PIBF1: variants seen among roughly 807,000 people sequenced by gnomAD.
The protein encoded by PIBF1 is progesterone immunomodulatory binding factor 1.
In PIBF1, 90 loss-of-function variants were observed where a neutral mutation model predicts 112.5. The observed-to-expected ratio is 0.80, with a 90% CI of 0.67 to 0.95. PIBF1 has a LOEUF of 0.95. PIBF1 is among the 40% of genes least tolerant of loss of function. The pLI is 0.00. For missense variants in PIBF1, 915 were observed against 852.3 expected (o/e 1.07, Z -0.92); for synonymous variants, 301 against 288.6 (o/e 1.04, Z -0.44).
intron 11 of PIBF1, among the ~76,000 whole-genome samples, chr13:72,900,818 T>C (rs1405225930): frequency 1.2e-4 from 18 of 151,438 alleles, no homozygotes; most frequent in Non-Finnish European, 2.4e-4. Flanking sequence ...AGGTTGGGAG[T>C]TCAAGACCAG....
intron 4 of PIBF1, among the ~76,000 whole-genome samples, chr13:72,796,208 A>G (rs1431599461): frequency 6.6e-6 from 1 of 152,182 alleles, no homozygotes; most frequent in East Asian, 1.9e-4. Context: ...GCCACTGGCA[A>G]ACTCCACTGA....
At chr13:72,948,212 C>T (rs1394113092) in intron 14 of PIBF1, among the ~76,000 whole-genome samples, 1 of 152,030 alleles carries the variant, frequency 6.6e-6, no homozygotes, top group Non-Finnish European at 1.5e-5. Context: ...TATCCCAAAA[C>T]TGAAAGTATA....
chr13:72,863,421 G>C (rs2038781323), intron 10 of PIBF1, among the ~76,000 whole-genome samples: 1 of 152,114 alleles, frequency 6.6e-6, no homozygotes, highest in Non-Finnish European at 1.5e-5. Context: ...GGAGGCCAAG[G>C]TGGGCGGATC....
At chr13:72,878,819 T>A (rs560475495) in intron 10 of PIBF1, among the ~76,000 whole-genome samples, 3 of 152,208 alleles carry the variant, frequency 2.0e-5, no homozygotes, top group Non-Finnish European at 2.9e-5. Flanking sequence ...TGTTAAGGAT[T>A]ATTATATCTA....
intron 4 of PIBF1, among the ~76,000 whole-genome samples, chr13:72,796,458 T>C (rs2035204231): frequency 1.3e-5 from 2 of 152,124 alleles, no homozygotes; most frequent in South Asian, 4.1e-4. Context: ...GCGTTTCTAT[T>C]GGGGATAATT....
In PIBF1 at chr13:72,820,824, C is replaced by G. The variant is rs541923248; in HGVS notation, c.673-1025C>G. ...GATTGGTTGCAAGATTTGATGAGTT[C>G]AAAGAAGGAAAATAAGTAGGAATTT... is the stretch of plus-strand genomic sequence containing the variant. On this transcript the variant is annotated intron_variant, in intron 5 of 17. Coordinates refer to ENST00000326291, the MANE Select transcript of PIBF1 (RefSeq NM_006346.4). Among the ~76,000 whole-genome samples the G allele has an allele frequency of 2.6e-5, 4 of 152,218 alleles. No homozygotes were observed. In the East Asian group the frequency reaches 7.7e-4, roughly 29 times the overall value.
intron 11 of PIBF1, among the ~76,000 whole-genome samples, chr13:72,898,070 G>A (rs967441026): frequency 6.6e-6 from 1 of 152,162 alleles, no homozygotes; most frequent in South Asian, 2.1e-4. Context: ...GCCATAAAAT[G>A]AGCCTGAATA....
chr13:72,830,040 A>T (rs1016717827), intron 8 of PIBF1, among the ~76,000 whole-genome samples: 10 of 152,194 alleles, frequency 6.6e-5, no homozygotes, highest in African/African-American at 2.4e-4. Flanking sequence ...TCTTAGTAGC[A>T]GTTGTGAATG....
At chr13:72,997,521 A>G (rs7336587) in intron 16 of PIBF1, among the ~76,000 whole-genome samples, 151,148 of 152,294 alleles carry the variant, frequency 0.99, 75,018 homozygotes, top group Middle Eastern at 1. Flanking sequence ...ACGTCTCGCA[A>G]CCCTAAAATC....
intron 10 of PIBF1, among the ~76,000 whole-genome samples, chr13:72,887,508 C>T (rs893888532): frequency 2.0e-5 from 3 of 151,786 alleles, no homozygotes; most frequent in Non-Finnish European, 4.4e-5. Flanking sequence ...AGACCTATAC[C>T]ATATACTAGC....
intron 5 of PIBF1, among the ~76,000 whole-genome samples, chr13:72,811,468 C>T (rs1418422477): frequency 6.6e-6 from 1 of 151,686 alleles, no homozygotes; most frequent in East Asian, 1.9e-4. Flanking sequence ...TGGTGGTAGG[C>T]ACCTGTAATC....
At chr13:72,934,499 A>G (rs1023800438) in intron 14 of PIBF1, among the ~76,000 whole-genome samples, 2 of 152,078 alleles carry the variant, frequency 1.3e-5, no homozygotes, top group African/African-American at 4.8e-5. Flanking sequence ...AGGTTTCACC[A>G]TGTTGGCTAG....
At chr13:73,002,222 G>A (rs2043892918) in intron 17 of PIBF1, among the ~76,000 whole-genome samples, 1 of 152,190 alleles carries the variant, frequency 6.6e-6, no homozygotes, top group Non-Finnish European at 1.5e-5. Context: ...TGTCTCCCCA[G>A]TTTAGTTATG....
intron 8 of PIBF1, among the ~76,000 whole-genome samples, chr13:72,830,951 T>A (rs2138180957): frequency 1.3e-5 from 2 of 152,260 alleles, no homozygotes; most frequent in South Asian, 4.1e-4. Context: ...TCAGAACTTG[T>A]TATTGGTTTA....
In PIBF1 at chr13:72,884,175, A is replaced by G. The variant is rs2039754771; in HGVS notation, c.1323-9609A>G. 2.0e-5 allele frequency among the ~76,000 whole-genome samples: 3 copies of G among 152,332 alleles called. No individual in the cohort carries two copies. The South Asian group carries it at 6.2e-4, about 32-fold the overall frequency. On this transcript the variant is annotated intron_variant, in intron 10 of 17. Coordinates refer to ENST00000326291, the MANE Select transcript of PIBF1 (RefSeq NM_006346.4). ...AGCAGTTTGGAGATGATTAAATGAA[A>G]AAACTGTTTATACCTGTATATGACA...
At chr13:72,998,800 T>C in intron 16 of PIBF1, 22 bp from the exon 17 acceptor site, 1 of 1,581,618 alleles carries the variant, frequency 6.3e-7, no homozygotes. Context: ...TGCTACTTTC[T>C]TCTGTTTTCA....
rs761550958 is a variant in PIBF1, at chr13:72,917,060, C to T, written c.1640-16C>T. 2.7e-6 allele frequency: 4 copies of T among 1,505,532 alleles called. No individual in the cohort carries two copies. Among genetic ancestry groups the T allele is most frequent in the Non-Finnish European group, 2.7e-6 (3 of 1,099,482 alleles). The allele number at this position is 1,505,532 out of a possible 1,614,324, so 93.3% of individuals were successfully genotyped here. A position where few individuals can be genotyped will look rare whatever the true frequency, so the allele number is the denominator to read the frequency against. ...AAATAAAGTTATTTCACATTATACA[C>T]TTTAATATTTTCCAGTTGAAAATGA... On this transcript the variant is annotated splice_polypyrimidine_tract_variant and intron_variant, in intron 12 of 17. Coordinates refer to ENST00000326291, the MANE Select transcript of PIBF1 (RefSeq NM_006346.4).
At position 73,002,996 on chromosome 13, in the gene PIBF1, A is replaced by AAAG. The variant is rs1243966136; in HGVS notation, c.2223+4003_2223+4004insGAA. 4.6e-5 allele frequency among the ~76,000 whole-genome samples: 7 copies of AAAG among 150,800 alleles called. 1 individual carries two copies. Among genetic ancestry groups the AAAG allele is most frequent in the African/African-American group, 1.7e-4 (7 of 41,090 alleles). On this transcript the variant is annotated intron_variant, in intron 17 of 17. Coordinates refer to ENST00000326291, the MANE Select transcript of PIBF1 (RefSeq NM_006346.4). ...AGACTCTGGTCTCAAAAAAAAAAAAAAAAAAAAAAAAGCCTTAGGCTCTAA... is the reference window on the plus strand; with the variant it reads ...AGACTCTGGTCTCAAAAAAAAAAAAAAAGAAAAAAAAAAAGCCTTAGGCTCTAA...
chr13:72,943,472 T>C (rs2042066103), intron 14 of PIBF1, among the ~76,000 whole-genome samples: 1 of 152,244 alleles, frequency 6.6e-6, no homozygotes, highest in South Asian at 2.1e-4. Flanking sequence ...CATATAATTA[T>C]GTATCAATTT....
Sources: allele counts gnomAD v4.1 joint callset (sites outside exome capture counted in the v4.1 genomes callset), GRCh38; gene constraint gnomAD v4.1.1; transcripts MANE v1.5; gene names NCBI Gene and HGNC (gene_info 2026-07-23, HGNC 2026-07-21).